PDGFC: variants seen among roughly 807,000 people sequenced by gnomAD.
The protein encoded by PDGFC is platelet-derived growth factor C.
Under a neutral mutation model 35.5 loss-of-function variants are expected in PDGFC, and 12 were observed. The observed-to-expected ratio is 0.34, with a 90% CI of 0.22 to 0.55. The LOEUF (loss-of-function observed/expected upper bound fraction) is 0.55. PDGFC is among the 20% of genes least tolerant of loss of function. The pLI, the probability that PDGFC is intolerant of heterozygous loss-of-function variation, is 0.91. For synonymous variants in PDGFC, 159 were observed against 148.8 expected (o/e 1.07, Z -0.50); for missense variants, 322 against 412.4 (o/e 0.78, Z 1.90).
intron 1 of PDGFC, among the ~76,000 whole-genome samples, chr4:156,877,876 T>C (rs1486461462): frequency 6.6e-6 from 1 of 152,156 alleles, no homozygotes; most frequent in Non-Finnish European, 1.5e-5. Flanking sequence ...TCAGCACAAA[T>C]GTCATCTCCC....
intron 1 of PDGFC, among the ~76,000 whole-genome samples, chr4:156,943,666 T>G (rs1477820626): frequency 6.6e-6 from 1 of 152,070 alleles, no homozygotes; most frequent in Non-Finnish European, 1.5e-5. Flanking sequence ...TTTCAGTCTA[T>G]CTAGCCAAGA....
At chr4:156,775,435 A>G (rs780671887) in intron 3 of PDGFC, among the ~76,000 whole-genome samples, 2 of 152,198 alleles carry the variant, frequency 1.3e-5, no homozygotes, top group Non-Finnish European at 2.9e-5. Flanking sequence ...TACATTATTT[A>G]TTAAATTGTC....
At chr4:156,795,134 T>A (rs950565042) in intron 3 of PDGFC, among the ~76,000 whole-genome samples, 5 of 152,224 alleles carry the variant, frequency 3.3e-5, no homozygotes, top group Admixed American at 1.3e-4. Context: ...AGTATTTATA[T>A]CACTAGCACC....
intron 2 of PDGFC, among the ~76,000 whole-genome samples, chr4:156,814,268 G>A (rs1177464366): frequency 6.6e-6 from 1 of 152,078 alleles, no homozygotes; most frequent in Non-Finnish European, 1.5e-5. Context: ...ACATGTTCGA[G>A]GAATTCGAGG....
chr4:156,786,725 T>A (rs1215295723), intron 3 of PDGFC, among the ~76,000 whole-genome samples: 2 of 152,190 alleles, frequency 1.3e-5, no homozygotes, highest in East Asian at 3.9e-4. Context: ...TCTTTTAGTA[T>A]AAGTATGGCC....
chr4:156,846,352 T>A (rs1002123910), intron 2 of PDGFC, among the ~76,000 whole-genome samples: 2 of 151,766 alleles, frequency 1.3e-5, no homozygotes, highest in African/African-American at 4.8e-5. Context: ...CCAATATATT[T>A]AAGCAGGACC....
intron 1 of PDGFC, among the ~76,000 whole-genome samples, chr4:156,922,905 C>A (rs1056533961): frequency 2.0e-4 from 30 of 152,154 alleles, no homozygotes; most frequent in African/African-American, 7.0e-4. Context: ...ATTCCATTCA[C>A]CCTGACCACT....
chr4:156,895,459 C>T (rs960938706), intron 1 of PDGFC, among the ~76,000 whole-genome samples: 1 of 151,844 alleles, frequency 6.6e-6, no homozygotes, highest in Non-Finnish European at 1.5e-5. Flanking sequence ...ATGGTAAACC[C>T]CATCTCTACT....
intron 1 of PDGFC, among the ~76,000 whole-genome samples, chr4:156,915,232 C>T (rs1448228268): frequency 2.6e-5 from 4 of 152,136 alleles, no homozygotes; most frequent in Non-Finnish European, 5.9e-5. Flanking sequence ...CTTAGAGTAA[C>T]AACAAAATAC....
At chr4:156,952,400 C>G (rs574760163) in intron 1 of PDGFC, among the ~76,000 whole-genome samples, 172 of 151,954 alleles carry the variant, frequency 1.1e-3, no homozygotes, top group African/African-American at 3.8e-3. Flanking sequence ...CGTAGAAAAT[C>G]AAACAGAAAT....
chr4:156,871,236 CA>C (rs1729975971), intron 1 of PDGFC, among the ~76,000 whole-genome samples: 1 of 151,922 alleles, frequency 6.6e-6, no homozygotes, highest in Non-Finnish European at 1.5e-5. Context: ...AGCACTAAAA[CA>C]GAAATGAATG....
intron 2 of PDGFC, among the ~76,000 whole-genome samples, chr4:156,831,304 A>G (rs7667857): frequency 0.16 from 23,839 of 151,998 alleles, 2,609 homozygotes; most frequent in South Asian, 0.34. Flanking sequence ...AAATATAAGT[A>G]TACCTAATTT....
At chr4:156,875,962 G>A (rs1004316349) in intron 1 of PDGFC, among the ~76,000 whole-genome samples, 2 of 152,038 alleles carry the variant, frequency 1.3e-5, no homozygotes, top group Non-Finnish European at 2.9e-5. Flanking sequence ...AAATGCTGAG[G>A]AATCAATTAC....
At chr4:156,787,477 G>A (rs1295324510) in intron 3 of PDGFC, among the ~76,000 whole-genome samples, 1 of 152,196 alleles carries the variant, frequency 6.6e-6, no homozygotes, top group Admixed American at 6.5e-5. Flanking sequence ...AATAAAAAGA[G>A]GGCAGTGAAT....
At chr4:156,957,076 C>T (rs528421608) in intron 1 of PDGFC, among the ~76,000 whole-genome samples, 3 of 151,910 alleles carry the variant, frequency 2.0e-5, no homozygotes, top group Non-Finnish European at 4.4e-5. Context: ...TACTTCCCTA[C>T]CAAATAAGCT....
At chr4:156,852,838 G>C (rs1729488387) in intron 1 of PDGFC, among the ~76,000 whole-genome samples, 1 of 152,150 alleles carries the variant, frequency 6.6e-6, no homozygotes, top group African/African-American at 2.4e-5. Flanking sequence ...CAATGGATGT[G>C]GGAAGCCTCT....
chr4:156,921,014 A>G (rs565860252), intron 1 of PDGFC, among the ~76,000 whole-genome samples: 3 of 152,182 alleles, frequency 2.0e-5, no homozygotes, highest in South Asian at 4.1e-4. Context: ...AACCTCTTGA[A>G]TGCTATGAAT....
At position 156,845,536 on chromosome 4, in the gene PDGFC, T is replaced by C. The variant is rs554790983; in HGVS notation, c.314+4685A>G. 4.6e-5 allele frequency among the ~76,000 whole-genome samples: 7 copies of C among 151,930 alleles called. No homozygotes were observed. In the South Asian group the frequency reaches 1.2e-3, roughly 27 times the overall value. ...AGCACCTTTTATTGCCTTTGAACTA[T>C]TTTACAACTCAGTAAGGTATAAATG... is the stretch of plus-strand genomic sequence containing the variant. On this transcript the variant is annotated intron_variant, in intron 2 of 5. Coordinates refer to ENST00000502773, the MANE Select transcript of PDGFC (RefSeq NM_016205.3).
At chr4:156,907,129 T>C in intron 1 of PDGFC, among the ~76,000 whole-genome samples, 1 of 152,174 alleles carries the variant, frequency 6.6e-6, no homozygotes, top group Admixed American at 6.6e-5. Context: ...ACCACCACCA[T>C]GACTTAAAAA....
Sources: allele counts gnomAD v4.1 joint callset (sites outside exome capture counted in the v4.1 genomes callset), GRCh38; gene constraint gnomAD v4.1.1; transcripts MANE v1.5; gene names NCBI Gene and HGNC (gene_info 2026-07-23, HGNC 2026-07-21).